BCAT1: variants seen among roughly 807,000 people sequenced by gnomAD.
The protein encoded by BCAT1 is branched chain amino acid transaminase 1.
Under a neutral mutation model 52.4 loss-of-function variants are expected in BCAT1, and 48 were observed. That is an observed-to-expected ratio of 0.92 (90% CI 0.73 to 1.16). The LOEUF (loss-of-function observed/expected upper bound fraction) is 1.16, where lower values mean the gene tolerates loss of function less well. Among genes scored for constraint, BCAT1 ranks in the 50% most tolerant of loss-of-function variants. The pLI is 0.00. For synonymous variants in BCAT1, 167 were observed against 161.3 expected (o/e 1.04, Z -0.27); for missense variants, 451 against 457.1 (o/e 0.99, Z 0.12).
At chr12:24,888,820 A>G (rs1342179730) in intron 3 of BCAT1, among the ~76,000 whole-genome samples, 4 of 152,186 alleles carry the variant, frequency 2.6e-5, no homozygotes, top group Non-Finnish European at 5.9e-5. Flanking sequence ...GCCCCTTTCT[A>G]AAGAAGAGCA....
In BCAT1 at chr12:24,930,990, C is replaced by T. The variant is rs1037595520; in HGVS notation, c.6+17937G>A. Among the ~76,000 whole-genome samples, 4 of 151,232 alleles carry T rather than the reference C, an allele frequency of 2.6e-5. No individual in the cohort carries two copies. In the East Asian group the frequency reaches 5.9e-4, roughly 22 times the overall value. The stretch of plus-strand genomic sequence containing the variant: ...CAATCTCAGCTCACTACAACCTCCA[C>T]CTCCCAGGTTCTGGTGATTCTCCTG... On this transcript the variant is annotated intron_variant, in intron 1 of 10. Transcript: ENST00000261192.
Position 24,845,160 on chromosome 12 carries a change from G to A in BCAT1, c.675-2936C>T, listed in dbSNP as rs185007790. Among the ~76,000 whole-genome samples, 711 of 151,612 alleles carry A rather than the reference G, an allele frequency of 4.7e-3. 7 individuals carry two copies. The highest frequency in any genetic ancestry group is 0.016 in the African/African-American group (671 of 41,330). On this transcript the variant is annotated intron_variant, in intron 6 of 10. Coordinates refer to ENST00000261192, the MANE Select transcript of BCAT1 (RefSeq NM_005504.7). ...ACCAGGGAGGCGGAGGTTGCAGTGA[G>A]CTGAGATGGTGCCACTGCACTCCAG...
At chr12:24,877,245 A>G (rs1298934874) in intron 5 of BCAT1, among the ~76,000 whole-genome samples, 2 of 152,226 alleles carry the variant, frequency 1.3e-5, no homozygotes, top group African/African-American at 2.4e-5. Flanking sequence ...GGCTATAGCA[A>G]AAGCGCTCTA....
intron 3 of BCAT1, among the ~76,000 whole-genome samples, chr12:24,883,518 T>G (rs1160903331): frequency 6.6e-6 from 1 of 152,176 alleles, no homozygotes; most frequent in African/African-American, 2.4e-5. Context: ...GGAGGATGGC[T>G]TGAGGTCAGG....
intron 1 of BCAT1, among the ~76,000 whole-genome samples, chr12:24,929,515 T>TTA (rs1393701567): frequency 6.6e-6 from 1 of 152,174 alleles, no homozygotes; most frequent in Non-Finnish European, 1.5e-5. Context: ...TAAACAAAAT[T>TTA]TATATCTATA....
intron 3 of BCAT1, among the ~76,000 whole-genome samples, chr12:24,890,590 T>C (rs940947901): frequency 6.6e-6 from 1 of 152,164 alleles, no homozygotes; most frequent in African/African-American, 2.4e-5. Context: ...CAGACACTCC[T>C]ACCAGTGTCA....
chr12:24,847,020 T>C (rs1247522798), intron 6 of BCAT1, among the ~76,000 whole-genome samples: 1 of 152,218 alleles, frequency 6.6e-6, no homozygotes, highest in East Asian at 1.9e-4. Context: ...CTTTTAACCA[T>C]TAGGTTATCA....
chr12:24,902,268 C>T, intron 1 of BCAT1: 1 of 1,336,642 alleles, frequency 7.5e-7, no homozygotes, highest in Non-Finnish European at 9.5e-7. Context: ...ATCTCCAGGG[C>T]GCGCTCAGCC....
chr12:24,886,386 A>G (rs931084799), intron 3 of BCAT1, among the ~76,000 whole-genome samples: 20 of 152,190 alleles, frequency 1.3e-4, no homozygotes, highest in Admixed American at 7.9e-4. Context: ...TCTGGGTGAC[A>G]CAGCAAGACC....
Position 24,836,890 on chromosome 12 carries a change from A to G in BCAT1, c.818-294T>C, listed in dbSNP as rs1433609292. ...GAAGGAAAGAGAAAGAGAAAGAAAG[A>G]AAGAAAGAAAAGAAAGAGAGAAAGA... On this transcript the variant is annotated intron_variant, in intron 7 of 10. Coordinates refer to ENST00000261192, the MANE Select transcript of BCAT1 (RefSeq NM_005504.7). 2.3e-3 allele frequency among the ~76,000 whole-genome samples: 150 copies of G among 65,094 alleles called. 2 individuals are homozygous for G. The highest frequency in any genetic ancestry group is 9.3e-3 in the African/African-American group (148 of 15,892). 42.7% of individuals were successfully genotyped at this position (65,094 alleles called of 152,430 possible). A position where few individuals can be genotyped will look rare whatever the true frequency, so the allele number is the denominator to read the frequency against.
At chr12:24,886,205 C>G (rs1942659241) in intron 3 of BCAT1, among the ~76,000 whole-genome samples, 1 of 152,128 alleles carries the variant, frequency 6.6e-6, no homozygotes, top group African/African-American at 2.4e-5. Flanking sequence ...ATTGCTGGAG[C>G]CCAGGAGTTC....
In BCAT1 at chr12:24,842,110, A is replaced by G; in HGVS notation, c.789T>C (p.Leu263=). ...HQITEVGTMN[L]FLYWINEDGE... is the part of the protein sequence containing the mutation. ...CATCTTCATTTATCCAGTAAAGAAAAAGATTCATAGTTCCCACTTCAGTGA... is the reference window on the plus strand; with the variant it reads ...CATCTTCATTTATCCAGTAAAGAAAGAGATTCATAGTTCCCACTTCAGTGA... The change falls in exon 7 of 11, where the codon CTT becomes CTC. Residue 263 remains leucine (L), a synonymous_variant. Coordinates refer to ENST00000261192, the MANE Select transcript of BCAT1 (RefSeq NM_005504.7). 6.2e-7 allele frequency: 1 copy of G among 1,613,900 alleles called. No homozygotes were observed. The highest frequency in any genetic ancestry group is 8.5e-7 in the Non-Finnish European group (1 of 1,179,818).
intron 4 of BCAT1, 103 bp downstream of exon 4, chr12:24,881,198 T>C: frequency 1.2e-6 from 1 of 818,550 alleles, no homozygotes. Context: ...ATATGGTTTG[T>C]ACTGAATATT....
chr12:24,922,037 T>C (rs1454392772), intron 1 of BCAT1, among the ~76,000 whole-genome samples: 1 of 152,210 alleles, frequency 6.6e-6, no homozygotes, highest in Non-Finnish European at 1.5e-5. Context: ...GGGGTCCTGA[T>C]AAGCTGGCAC....
rs181215876 is a variant in BCAT1, at chr12:24,913,924, T to C, written c.7-12039A>G. Among the ~76,000 whole-genome samples the C allele has an allele frequency of 1.1e-4, 17 of 152,214 alleles. No homozygotes were observed. The East Asian group carries it at 3.1e-3, about 28-fold the overall frequency. ...AAGTTAGAGTACTATTTTTAGGTTT[T>C]ATGGTTGGCTTTGGGGAAAAGGGGT... is the stretch of plus-strand genomic sequence containing the variant. On this transcript the variant is annotated intron_variant, in intron 1 of 10. Transcript: ENST00000261192.
At chr12:24,923,929 A>G (rs1943540010) in intron 1 of BCAT1, among the ~76,000 whole-genome samples, 1 of 152,238 alleles carries the variant, frequency 6.6e-6, no homozygotes, top group Non-Finnish European at 1.5e-5. Context: ...TGATCAATTA[A>G]TTTAATTTTT....
Position 24,901,729 on chromosome 12 carries a change from T to G in BCAT1, c.78+85A>C, listed in dbSNP as rs1943108597. ...CCTAGGAACTGGGTAACCCACACAG[T>G]GAAAATTTCCCCGAATCTCAACAAG... On this transcript the variant is annotated intron_variant, in intron 2 of 10. Transcript: ENST00000261192. The G allele has an allele frequency of 2.8e-6, 4 of 1,414,258 alleles. No homozygotes were observed. The South Asian group carries it at 5.0e-5, about 18-fold the overall frequency. 87.6% of individuals were successfully genotyped at this position (1,414,258 alleles called of 1,614,324 possible).
At chr12:24,880,228 C>A (rs187437246) in intron 4 of BCAT1, among the ~76,000 whole-genome samples, 1 of 152,326 alleles carries the variant, frequency 6.6e-6, no homozygotes, top group Admixed American at 6.5e-5. Context: ...GCAGGCAGAT[C>A]ACTTGAGGCC....
rs1939902777 is a variant in BCAT1, at chr12:24,817,085, G to A, written c.*923C>T. 6.5e-6 allele frequency: 1 copy of A among 152,974 alleles called. No individual in the cohort carries two copies. Among genetic ancestry groups the A allele is most frequent in the Admixed American group, 6.5e-5 (1 of 15,292 alleles). 9.5% of individuals were successfully genotyped at this position (152,974 alleles called of 1,614,324 possible). ...AAGATAATTCTAATACAATCAATAT[G>A]AAGTGATTTCCTAAACTAACTATGC... On this transcript the variant is annotated 3_prime_UTR_variant, in exon 11 of 11. Coordinates refer to ENST00000261192, the MANE Select transcript of BCAT1 (RefSeq NM_005504.7).
Sources: allele counts gnomAD v4.1 joint callset (sites outside exome capture counted in the v4.1 genomes callset), GRCh38; gene constraint gnomAD v4.1.1; transcripts MANE v1.5; gene names NCBI Gene and HGNC (gene_info 2026-07-23, HGNC 2026-07-21).